The following ANK2 variants were observed in gnomAD, a reference collection of about 807,000 sequenced individuals.
The protein encoded by ANK2 is ankyrin-2.
A neutral mutation model predicts 360.5 loss-of-function variants in ANK2; 83 were observed. The observed-to-expected ratio is 0.23, with a 90% CI of 0.19 to 0.28. The LOEUF (loss-of-function observed/expected upper bound fraction) is 0.28. Ranked by LOEUF, ANK2 falls within the 10% of genes least tolerant of loss-of-function variation. The pLI is 1.00. For synonymous variants in ANK2, 1,740 were observed against 1,759.5 expected, an observed-to-expected ratio of 0.99 and a Z score of 0.28; for missense variants, 4,201 against 4,795.7, an observed-to-expected ratio of 0.88 and a Z score of 3.66.
chr4:112,876,062 G>A (rs1461003164), intron 1 of ANK2, among the ~76,000 whole-genome samples: 1 of 151,602 alleles, frequency 6.6e-6, no homozygotes, highest in East Asian at 1.9e-4. Context: ...GTATATTTCG[G>A]ATTTTTTTTT....
chr4:113,067,616 G>A (rs2076094817), intron 1 of ANK2, among the ~76,000 whole-genome samples: 1 of 152,162 alleles, frequency 6.6e-6, no homozygotes, highest in South Asian at 2.1e-4. Context: ...GGAGGACAGA[G>A]TCTTGGAATG....
chr4:112,715,769 C>T, the ANK2 span, among the ~76,000 whole-genome samples: 1 of 152,066 alleles, frequency 6.6e-6, no homozygotes, highest in Admixed American at 6.6e-5. Context: ...CTTCCAACCA[C>T]ACTTTTTCCT....
chr4:113,373,479 T>C (rs766128998), intron 45 of ANK2, 30 bp downstream of exon 45: 41 of 1,610,850 alleles, frequency 2.5e-5, no homozygotes, highest in Non-Finnish European at 3.3e-5. Context: ...TAAAACCCAT[T>C]TGATGGAGAG....
intron 2 of ANK2, among the ~76,000 whole-genome samples, chr4:113,181,564 G>A (rs1285553359): frequency 6.6e-6 from 1 of 152,194 alleles, no homozygotes; most frequent in Non-Finnish European, 1.5e-5. Flanking sequence ...CCTGAGAGAA[G>A]AAAAGGCAGT....
intron 2 of ANK2, among the ~76,000 whole-genome samples, chr4:112,954,819 A>G (rs1186456532): frequency 6.6e-6 from 1 of 152,186 alleles, no homozygotes; most frequent in East Asian, 1.9e-4. Context: ...GCTTGCTGAT[A>G]TAAGTGTAAA....
chr4:112,834,639 A>G (rs1335667752), intron 1 of ANK2, among the ~76,000 whole-genome samples: 1 of 152,192 alleles, frequency 6.6e-6, no homozygotes, highest in Non-Finnish European at 1.5e-5. Flanking sequence ...CTACAAAGCC[A>G]TTATCATATC....
intron 2 of ANK2, among the ~76,000 whole-genome samples, chr4:113,039,717 G>A (rs1329732614): frequency 6.6e-6 from 1 of 151,882 alleles, no homozygotes; most frequent in African/African-American, 2.4e-5. Flanking sequence ...ACCTTGAGTA[G>A]GTAACATAGC....
At chr4:113,310,640 C>T (rs1321602908) in intron 23 of ANK2, among the ~76,000 whole-genome samples, 2 of 152,208 alleles carry the variant, frequency 1.3e-5, no homozygotes, top group African/African-American at 4.8e-5. Context: ...TGGTCTTGAA[C>T]TCCTGACCTC....
chr4:113,125,056 C>T (rs1210041217), intron 1 of ANK2, among the ~76,000 whole-genome samples: 1 of 152,124 alleles, frequency 6.6e-6, no homozygotes, highest in African/African-American at 2.4e-5. Flanking sequence ...TGTTATTTCA[C>T]ATTAACCTAT....
rs551229765 is a variant in ANK2 at position 112,870,584 on chromosome 4, CTTGAAATTTTTTA to C, written c.-39-33864_-39-33852del. Among the ~76,000 whole-genome samples, 38 of 152,246 alleles carry C rather than the reference CTTGAAATTTTTTA, an allele frequency of 2.5e-4. No individual in the cohort carries two copies. The East Asian group carries it at 7.3e-3, about 29-fold the overall frequency. ...AGATTGTATTTACCCAGTGAATGCT[CTTGAAATTTTTTA>C]TTGAAAATCAAGTGACCATAGACAC... On this transcript the variant is annotated intron_variant, in intron 1 of 30. Coordinates refer to the ANK2 transcript ENST00000503271.
chr4:113,137,460 G>T (rs534113542), intron 1 of ANK2, among the ~76,000 whole-genome samples: 34 of 152,300 alleles, frequency 2.2e-4, no homozygotes, highest in Admixed American at 1.5e-3. Context: ...CCAGGAGCAG[G>T]TTTGAGTAGG....
At chr4:112,924,151 C>T (rs1035876311) in intron 2 of ANK2, among the ~76,000 whole-genome samples, 2 of 151,888 alleles carry the variant, frequency 1.3e-5, no homozygotes, top group Non-Finnish European at 1.5e-5. Context: ...GTGGGGATCA[C>T]GAGGTCAGGA....
In ANK2 at chr4:113,353,787, A is replaced by T; in HGVS notation, c.5169A>T (p.Ala1723=). The T allele has an allele frequency of 1.2e-6, 2 of 1,614,020 alleles. No individual in the cohort carries two copies. The highest frequency in any genetic ancestry group is 1.7e-6 in the Non-Finnish European group (2 of 1,179,990). ...AAGAGGAAGGTTTACAAGCTAGTGC[A>T]GAGAAAGCTGAACTTAAAAAAGGTA... ...KQKEEGLQAS[A]EKAELKKGSS... is the part of the protein sequence containing the mutation. The change falls in exon 38 of 46, where the codon GCA becomes GCT. Residue 1723 remains alanine, a synonymous_variant. Coordinates refer to ENST00000357077, the MANE Select transcript of ANK2 (RefSeq NM_001148.6).
At chr4:113,027,893 A>G (rs941157459) in intron 2 of ANK2, among the ~76,000 whole-genome samples, 10 of 152,166 alleles carry the variant, frequency 6.6e-5, no homozygotes, top group African/African-American at 2.4e-4. Flanking sequence ...ACAGTACACT[A>G]TCAGGTTATG....
intron 1 of ANK2, chr4:113,117,293 G>A (rs1335618863): frequency 2.2e-6 from 1 of 455,908 alleles, no homozygotes; most frequent in Non-Finnish European, 4.4e-6. Context: ...CTGCAAAATG[G>A]CTCACGCTGC....
chr4:113,063,699 A>G (rs1361461616), intron 1 of ANK2, among the ~76,000 whole-genome samples: 2 of 152,166 alleles, frequency 1.3e-5, no homozygotes, highest in African/African-American at 4.8e-5. Context: ...GAATTATGAA[A>G]AATGATATTT....
Position 113,358,473 on chromosome 4 carries a change from C to G in ANK2, c.9855C>G (p.Ile3285Met). ...CCCCAGAAGAACAGAAATCAGTAAT[C>G]GAGATTCCTACTGCACCCATGGAGA... The part of the protein sequence containing the change: ...DSSPEEQKSV[I>M]EIPTAPMENV... The change falls in exon 38 of 46, where the codon ATC becomes ATG. Residue 3285 changes from isoleucine (I) to methionine (M), a missense_variant. Physicochemically the swap from Ile to Met is conservative, Grantham distance 10. This residue lies in a region of ANK2 where 2,642 missense variants were observed against 2,714.5 expected (regional missense o/e 0.97). Transcript: ENST00000357077. 6.2e-7 allele frequency: 1 copy of G among 1,614,046 alleles called. No individual in the cohort carries two copies. Among genetic ancestry groups the G allele is most frequent in the Non-Finnish European group, 8.5e-7 (1 of 1,179,958 alleles).
chr4:112,742,648 T>A, the ANK2 span, among the ~76,000 whole-genome samples: 1 of 152,202 alleles, frequency 6.6e-6, no homozygotes, highest in South Asian at 2.1e-4. Flanking sequence ...TCCCCTAAAA[T>A]GAAATGCCAG....
intron 2 of ANK2, among the ~76,000 whole-genome samples, chr4:113,002,442 C>T (rs986976930): frequency 1.3e-5 from 2 of 152,106 alleles, no homozygotes; most frequent in African/African-American, 4.8e-5. Context: ...AATCATCATT[C>T]TCAGTAAACT....
Sources: allele counts gnomAD v4.1 joint callset (sites outside exome capture counted in the v4.1 genomes callset), GRCh38; gene constraint gnomAD v4.1.1; regional missense constraint gnomAD v4.1.1; transcripts MANE v1.5; gene names NCBI Gene and HGNC (gene_info 2026-07-23, HGNC 2026-07-21).